The following OPCML variants were observed in gnomAD, a reference collection of about 807,000 sequenced individuals.
The protein encoded by OPCML is opioid-binding protein/cell adhesion molecule.
A neutral mutation model predicts 37.8 loss-of-function variants in OPCML; 13 were observed. That is an observed-to-expected ratio of 0.34 (90% CI 0.22 to 0.55). OPCML has a LOEUF of 0.55. Ranked by LOEUF, OPCML falls within the 20% of genes least tolerant of loss-of-function variation. OPCML has a pLI of 0.91. For missense variants in OPCML, 341 were observed against 435.6 expected (o/e 0.78, Z 1.93); for synonymous variants, 176 against 168.8 (o/e 1.04, Z -0.33).
intron 1 of OPCML, among the ~76,000 whole-genome samples, chr11:133,087,808 C>A (rs556852050): frequency 2.6e-3 from 403 of 152,308 alleles, no homozygotes; most frequent in Non-Finnish European, 4.6e-3. Context: ...AGGCTCTTTC[C>A]CGCACTGGCT....
chr11:133,249,228 G>A (rs1411371844), intron 1 of OPCML, among the ~76,000 whole-genome samples: 2 of 152,140 alleles, frequency 1.3e-5, no homozygotes, highest in South Asian at 2.1e-4. Context: ...TTCTGGTAGG[G>A]CTTAAGGGAG....
chr11:132,829,667 C>A (rs1270203535), intron 2 of OPCML, among the ~76,000 whole-genome samples: 1 of 152,172 alleles, frequency 6.6e-6, no homozygotes, highest in Non-Finnish European at 1.5e-5. Context: ...CCAATGGGAT[C>A]CTTCATTTCT....
chr11:133,342,151 A>G (rs1400483766), intron 1 of OPCML, among the ~76,000 whole-genome samples: 36 of 152,158 alleles, frequency 2.4e-4, no homozygotes, highest in Admixed American at 2.2e-3. Flanking sequence ...CTCAGTCATC[A>G]GAACTAATCA....
intron 2 of OPCML, among the ~76,000 whole-genome samples, chr11:132,689,656 T>A (rs1398346872): frequency 6.6e-6 from 1 of 152,226 alleles, no homozygotes; most frequent in Non-Finnish European, 1.5e-5. Context: ...AGAGCAGTAC[T>A]GCACAGAATT....
chr11:133,515,746 T>C (rs1465411714), intron 1 of OPCML, among the ~76,000 whole-genome samples: 1 of 151,418 alleles, frequency 6.6e-6, no homozygotes, highest in Non-Finnish European at 1.5e-5. Flanking sequence ...AAACTCAAGT[T>C]AGAAATTTGG....
intron 2 of OPCML, among the ~76,000 whole-genome samples, chr11:132,675,472 A>C (rs1438981431): frequency 1.3e-5 from 2 of 152,042 alleles, no homozygotes; most frequent in African/African-American, 4.8e-5. Flanking sequence ...AAAGGCACCC[A>C]GTTTGGAAAG....
At chr11:132,893,917 G>A (rs939883227) in intron 2 of OPCML, among the ~76,000 whole-genome samples, 1 of 152,092 alleles carries the variant, frequency 6.6e-6, no homozygotes, top group African/African-American at 2.4e-5. Context: ...TCTTGGTCTG[G>A]TTGTCTACAT....
chr11:132,886,137 C>A (rs534584532), intron 2 of OPCML, among the ~76,000 whole-genome samples: 1 of 152,314 alleles, frequency 6.6e-6, no homozygotes, highest in African/African-American at 2.4e-5. Context: ...CATAACTAGT[C>A]CCATATCAAT....
chr11:133,114,475 A>T (rs1170351411), intron 1 of OPCML, among the ~76,000 whole-genome samples: 1 of 152,154 alleles, frequency 6.6e-6, no homozygotes, highest in Non-Finnish European at 1.5e-5. Context: ...CTGGGACCAA[A>T]TCAGTCTCCT....
chr11:132,420,367 TAC>T (rs2095953998), intron 7 of OPCML, 74 bp from the exon 8 acceptor site: 2 of 1,572,528 alleles, frequency 1.3e-6, no homozygotes, highest in Non-Finnish European at 1.7e-6. Context: ...GACAAGCAAA[TAC>T]ACATACATGC....
intron 2 of OPCML, among the ~76,000 whole-genome samples, chr11:132,788,109 G>C (rs549820781): frequency 1.3e-5 from 2 of 152,234 alleles, no homozygotes; most frequent in East Asian, 3.9e-4. Context: ...TCGATCTCTT[G>C]ACCTCGTGAG....
chr11:132,456,068 A>G (rs776909377), intron 4 of OPCML, among the ~76,000 whole-genome samples: 1 of 152,172 alleles, frequency 6.6e-6, no homozygotes, highest in Non-Finnish European at 1.5e-5. Context: ...AGTGCTCACT[A>G]TCTCATTCTC....
intron 1 of OPCML, among the ~76,000 whole-genome samples, chr11:133,041,448 C>A (rs535482874): frequency 3.3e-5 from 5 of 152,188 alleles, no homozygotes; most frequent in Non-Finnish European, 7.4e-5. Context: ...ACCTCTCCCA[C>A]CCTCTGCAGT....
At chr11:133,222,621 A>G (rs1026024008) in intron 1 of OPCML, among the ~76,000 whole-genome samples, 12 of 152,220 alleles carry the variant, frequency 7.9e-5, no homozygotes, top group Non-Finnish European at 1.5e-4. Context: ...GGAAGTGGCC[A>G]TGGGCTTGAA....
Position 132,497,305 on chromosome 11 carries a change from T to C in OPCML, c.505+31756A>G, listed in dbSNP as rs547202577. ...AATAGCTAATGGATGCTGGGCTTAA[T>C]ACTGAGGTGATGGGATGATCTGCGT... On this transcript the variant is annotated intron_variant, in intron 4 of 7. Coordinates refer to ENST00000524381, the MANE Select transcript of OPCML (RefSeq NM_001012393.5). 2.0e-5 allele frequency among the ~76,000 whole-genome samples: 3 copies of C among 150,630 alleles called. No homozygotes were observed. The South Asian group carries it at 6.2e-4, about 31-fold the overall frequency.
chr11:133,358,130 T>C (rs1944332941), intron 1 of OPCML, among the ~76,000 whole-genome samples: 1 of 152,192 alleles, frequency 6.6e-6, no homozygotes, highest in Non-Finnish European at 1.5e-5. Flanking sequence ...CATTCTCCAA[T>C]GGGTGAATTG....
intron 1 of OPCML, among the ~76,000 whole-genome samples, chr11:133,261,504 C>T (rs936781171): frequency 6.6e-5 from 10 of 151,978 alleles, no homozygotes; most frequent in Non-Finnish European, 1.5e-4. Flanking sequence ...CTCTTCACTG[C>T]TGCTCAGCTG....
At chr11:133,271,736 TA>T (rs1941841895) in intron 1 of OPCML, among the ~76,000 whole-genome samples, 2 of 152,158 alleles carry the variant, frequency 1.3e-5, no homozygotes, top group South Asian at 4.1e-4. Flanking sequence ...ACTACAAATA[TA>T]AAATTGCCAC....
At chr11:133,507,305 G>T (rs949784506) in intron 1 of OPCML, among the ~76,000 whole-genome samples, 11 of 152,196 alleles carry the variant, frequency 7.2e-5, no homozygotes, top group Admixed American at 6.5e-5. Flanking sequence ...GTGCTGAAAT[G>T]GGTGCAGCCC....
Sources: gnomAD v4.1 joint callset for allele counts (sites outside exome capture counted in the v4.1 genomes callset) on GRCh38, gnomAD v4.1.1 for gene constraint, MANE v1.5 for transcripts, NCBI Gene and HGNC (gene_info 2026-07-23, HGNC 2026-07-21) for gene names.